Variants in CYP4Z1 observed in about 807,000 individuals in gnomAD.
CYP4Z1 encodes the protein cytochrome P450 4Z1.
In CYP4Z1, 41 loss-of-function variants were observed where a neutral mutation model predicts 54.2. That is an observed-to-expected ratio of 0.76 (90% confidence interval 0.59 to 0.98). CYP4Z1 has a LOEUF of 0.98. Ranked by LOEUF, CYP4Z1 falls within the 50% of genes least tolerant of loss-of-function variation. The pLI, the probability that CYP4Z1 is intolerant of heterozygous loss-of-function variation, is 0.00. For synonymous variants in CYP4Z1, 163 were observed against 206.2 expected, an observed-to-expected ratio of 0.79 and a Z score of 1.79; for missense variants, 513 against 599.0, an observed-to-expected ratio of 0.86 and a Z score of 1.50.
chr1:47,084,014 G>A (rs1472107984), intron 4 of CYP4Z1, among the ~76,000 whole-genome samples: 1 of 152,064 alleles, frequency 6.6e-6, no homozygotes, highest in African/African-American at 2.4e-5. Flanking sequence ...TTGAAATGGA[G>A]AACTTCGTCT....
intron 9 of CYP4Z1, among the ~76,000 whole-genome samples, chr1:47,109,482 A>G (rs992931992): frequency 2.0e-5 from 3 of 152,204 alleles, no homozygotes; most frequent in African/African-American, 7.2e-5. Flanking sequence ...CCTAAAAATT[A>G]TATTTTATCT....
At chr1:47,097,816 T>C (rs1169852446) in intron 7 of CYP4Z1, among the ~76,000 whole-genome samples, 2 of 137,146 alleles carry the variant, frequency 1.5e-5, no homozygotes, top group Admixed American at 7.6e-5. Context: ...TTCAGTTCCA[T>C]ATGATTTTTT....
At chr1:47,078,255 C>G (rs1569708810) in intron 2 of CYP4Z1, among the ~76,000 whole-genome samples, 1 of 152,148 alleles carries the variant, frequency 6.6e-6, no homozygotes, top group South Asian at 2.1e-4. Flanking sequence ...TCAGATTCAA[C>G]AATCTCAATT....
the CYP4Z1 span, among the ~76,000 whole-genome samples, chr1:47,057,985 A>G: frequency 6.6e-6 from 1 of 152,108 alleles, no homozygotes; most frequent in African/African-American, 2.4e-5. Context: ...GTTGATCACC[A>G]TGAACTTCTG....
chr1:47,117,831 G>T lies in CYP4Z1; in HGVS notation c.1415G>T (p.Arg472Leu). The change falls in exon 12 of 12, where the codon CGC becomes CTC. Residue 472 changes from arginine to leucine, a missense_variant. Transcript: ENST00000334194. ...CKVAVALTLL[R>L]FKLAPDHSRP... Reference sequence around the variant, plus strand: ...GTGGCAGTGGCATTAACTCTGCTCCGCTTCAAGCTGGCTCCAGACCACTCA... The same window carrying T: ...GTGGCAGTGGCATTAACTCTGCTCCTCTTCAAGCTGGCTCCAGACCACTCA... 1.2e-6 allele frequency: 2 copies of T among 1,613,632 alleles called. No individual in the cohort carries two copies. Among genetic ancestry groups the T allele is most frequent in the Non-Finnish European group, 8.5e-7 (1 of 1,179,802 alleles).
intron 9 of CYP4Z1, among the ~76,000 whole-genome samples, chr1:47,106,503 C>T (rs1348634217): frequency 1.3e-5 from 2 of 151,964 alleles, no homozygotes; most frequent in Non-Finnish European, 2.9e-5. Context: ...AGGGGGCCTT[C>T]GTGAAGCATC....
intron 9 of CYP4Z1, among the ~76,000 whole-genome samples, chr1:47,111,612 A>C (rs2148541994): frequency 6.6e-6 from 1 of 152,350 alleles, no homozygotes; most frequent in African/African-American, 2.4e-5. Context: ...CGATCTAAAC[A>C]ATGTAATTAA....
In CYP4Z1 at chr1:47,087,418, G is replaced by A. The variant is rs569600769; in HGVS notation, c.772+2440G>A. On this transcript the variant is annotated intron_variant, in intron 6 of 11. Transcript: ENST00000334194. The stretch of plus-strand genomic sequence containing the variant: ...CTTGAAGAGGTCCTTCACATCCCTT[G>A]TAAGTTGGATTCCTAGGTATTTTAT... Among the ~76,000 whole-genome samples, 62 of 152,258 alleles carry A rather than the reference G, an allele frequency of 4.1e-4. 1 individual carries two copies. Among genetic ancestry groups the A allele is most frequent in the African/African-American group, 1.3e-3 (55 of 41,540 alleles).
rs1644662587 is a variant in CYP4Z1, at chr1:47,094,548, C to A, written c.773-18C>A. On this transcript the variant is annotated intron_variant, in intron 6 of 11. Transcript: ENST00000334194. Reference sequence around the variant, plus strand: ...CAGTAACCTTGATAATAACAAAGATCATAATTTTTCCATCTAGAGAAAGTA... The same window carrying A: ...CAGTAACCTTGATAATAACAAAGATAATAATTTTTCCATCTAGAGAAAGTA... 2 of 1,458,188 alleles carry A rather than the reference C, an allele frequency of 1.4e-6. No homozygotes were observed. The highest frequency in any genetic ancestry group is 1.2e-5 in the South Asian group (1 of 81,454). The allele number at this position is 1,458,188 out of a possible 1,614,324, so 90.3% of individuals were successfully genotyped here.
rs547145217 is a variant in CYP4Z1 at position 47,099,252 on chromosome 1, G to C, written c.1035G>C (p.Arg345Ser). The change falls in exon 8 of 12, where the codon AGG (arginine) becomes AGC (serine). Residue 345 changes from arginine to serine, a missense_variant. Coordinates refer to ENST00000334194, the MANE Select transcript of CYP4Z1 (RefSeq NM_178134.3). Reference protein sequence around the residue: ...EHQQRCRDEIRELLGDGSSIT... With the variant: ...EHQQRCRDEISELLGDGSSIT... The stretch of plus-strand genomic sequence containing the variant: ...AGCAGAGATGCCGAGATGAAATCAG[G>C]GAACTCCTAGGGGATGGGTCTTCTA... The C allele has an allele frequency of 6.2e-7, 1 of 1,612,846 alleles. No homozygotes were observed. The highest frequency in any genetic ancestry group is 1.1e-5 in the South Asian group (1 of 90,818).
intron 8 of CYP4Z1, among the ~76,000 whole-genome samples, chr1:47,103,592 T>C (rs1336544531): frequency 7.4e-6 from 1 of 135,700 alleles, no homozygotes; most frequent in East Asian, 3.2e-4. Context: ...TTTTCTTTTT[T>C]TTCTTTTTTT....
intron 6 of CYP4Z1, among the ~76,000 whole-genome samples, chr1:47,092,057 T>C (rs1349625837): frequency 6.6e-6 from 1 of 152,056 alleles, no homozygotes; most frequent in Admixed American, 6.5e-5. Context: ...CCATCAGTCC[T>C]GCTGGACCAT....
chr1:47,088,486 G>A (rs1256432748), intron 6 of CYP4Z1, among the ~76,000 whole-genome samples: 2 of 152,198 alleles, frequency 1.3e-5, no homozygotes, highest in South Asian at 2.1e-4. Flanking sequence ...TTTGCTTAGA[G>A]GCGTTTATAG....
intron 10 of CYP4Z1, 97 bp downstream of exon 10, chr1:47,115,690 T>C (rs1644825338): frequency 6.7e-6 from 8 of 1,190,396 alleles, no homozygotes; most frequent in Non-Finnish European, 9.7e-6. Context: ...GATAACGATC[T>C]GTCATTTAGA....
At position 47,117,777 on chromosome 1, in the gene CYP4Z1, G is replaced by C; in HGVS notation, c.1361G>C (p.Gly454Ala). The change falls in exon 12 of 12, where the codon GGG (glycine) becomes GCG (alanine). Residue 454 changes from glycine (G) to alanine (A), a missense_variant. Gly to Ala is a moderately conservative substitution (Grantham distance 60). Transcript: ENST00000334194. The stretch of plus-strand genomic sequence containing the variant: ...CTTGGTATCCCCAGGAACTGCATTG[G>C]GCAGCATTTTGCCATAATTGAGTGT... Reference protein sequence around the residue: ...PFSAGLRNCIGQHFAIIECKV... With the variant: ...PFSAGLRNCIAQHFAIIECKV... 1 of 1,612,896 alleles carries C rather than the reference G, an allele frequency of 6.2e-7. No individual in the cohort carries two copies. The highest frequency in any genetic ancestry group is 1.1e-5 in the South Asian group (1 of 90,926).
At chr1:47,097,998 T>C (rs35570447) in intron 7 of CYP4Z1, among the ~76,000 whole-genome samples, 1 of 151,934 alleles carries the variant, frequency 6.6e-6, no homozygotes, top group East Asian at 1.9e-4. Flanking sequence ...GTATTTTCAG[T>C]GGAGATGGGG....
intron 8 of CYP4Z1, among the ~76,000 whole-genome samples, chr1:47,104,830 A>G (rs1396208645): frequency 1.3e-5 from 2 of 152,044 alleles, no homozygotes; most frequent in Non-Finnish European, 2.9e-5. Flanking sequence ...GGACAGGGTG[A>G]TCCCCAGGCT....
chr1:47,109,156 CA>C (rs1449503011), intron 9 of CYP4Z1, among the ~76,000 whole-genome samples: 1 of 151,682 alleles, frequency 6.6e-6, no homozygotes, highest in Non-Finnish European at 1.5e-5. Flanking sequence ...CACTGAAATG[CA>C]AAAAGAAATA....
Position 47,107,635 on chromosome 1 carries a change from G to A in CYP4Z1, c.1201+1374G>A, listed in dbSNP as rs1391880940. On this transcript the variant is annotated intron_variant, in intron 9 of 11. Transcript: ENST00000334194. ...TACCTAAATCCTGTCAATAAGCTCT[G>A]GTTTTTTTCAACATCAATAAAATGA... is the stretch of plus-strand genomic sequence containing the variant. 3.3e-5 allele frequency among the ~76,000 whole-genome samples: 5 copies of A among 151,324 alleles called. No individual in the cohort carries two copies. The East Asian group carries it at 9.7e-4, about 29-fold the overall frequency.
Sources: gnomAD v4.1 joint callset for allele counts (sites outside exome capture counted in the v4.1 genomes callset) on GRCh38, gnomAD v4.1.1 for gene constraint, MANE v1.5 for transcripts, NCBI Gene and HGNC (gene_info 2026-07-23, HGNC 2026-07-21) for gene names.